The following SYK variants were observed in gnomAD, a reference collection of about 807,000 sequenced individuals.
SYK encodes the protein spleen associated tyrosine kinase, also known as tyrosine-protein kinase SYK.
A neutral mutation model predicts 77.8 loss-of-function variants in SYK; 16 were observed. The observed-to-expected ratio is 0.21, with a 90% CI of 0.14 to 0.31. SYK has a LOEUF of 0.31. Ranked by LOEUF, SYK falls within the 10% of genes least tolerant of loss-of-function variation. The pLI, the probability that SYK is intolerant of heterozygous loss-of-function variation, is 1.00. For missense variants in SYK, 529 were observed against 814.4 expected, an observed-to-expected ratio of 0.65 and a Z score of 4.26; for synonymous variants, 312 against 308.7, an observed-to-expected ratio of 1.01 and a Z score of -0.11.
At chr9:90,811,145 C>T (rs980455709) in intron 1 of SYK, among the ~76,000 whole-genome samples, 2 of 152,002 alleles carry the variant, frequency 1.3e-5, no homozygotes, top group Non-Finnish European at 2.9e-5. Flanking sequence ...ACACTCATCA[C>T]AAGATTGATA....
At position 90,877,707 on chromosome 9, in the gene SYK, G is replaced by A. The variant is rs200202947; in HGVS notation, c.1318G>A (p.Glu440Lys). The A allele has an allele frequency of 2.4e-5, 38 of 1,614,096 alleles. No homozygotes were observed. The highest frequency in any genetic ancestry group is 3.0e-5 in the Non-Finnish European group (35 of 1,180,034). Residue 440 changes from glutamate (E) to lysine (K), a missense_variant, in exon 10 of 14, where the codon GAG (glutamate) becomes AAG (lysine). Physicochemically the swap from Glu to Lys is moderately conservative, Grantham distance 56. Transcript: ENST00000375754. Reference sequence around the variant, plus strand: ...CATCGTGCGGATGATCGGGATATGCGAGGCCGAGTCCTGGATGCTGGTTAT... The same window carrying A: ...CATCGTGCGGATGATCGGGATATGCAAGGCCGAGTCCTGGATGCTGGTTAT... Reference protein sequence around the residue: ...PYIVRMIGICEAESWMLVMEM... With the variant: ...PYIVRMIGICKAESWMLVMEM...
At position 90,877,739 on chromosome 9, in the gene SYK, G is replaced by A. The variant is rs1304839707; in HGVS notation, c.1350G>A (p.Met450Ile). Residue 450 changes from methionine (M) to isoleucine (I), a missense_variant, in exon 10 of 14, where the codon ATG becomes ATA. By Grantham distance (10) the Met-to-Ile change is conservative. This residue lies in a region of SYK where 208 missense variants were observed against 381.3 expected (regional missense o/e 0.55). Transcript: ENST00000375754. ...EAESWMLVME[M>I]AELGPLNKYL... ...AGTCCTGGATGCTGGTTATGGAGAT[G>A]GCAGAACTTGGTCCCCTCAATAAGT... 2.5e-6 allele frequency: 4 copies of A among 1,614,116 alleles called. No individual in the cohort carries two copies. Among genetic ancestry groups the A allele is most frequent in the Non-Finnish European group, 3.4e-6 (4 of 1,180,034 alleles).
At chr9:90,883,903 C>T (rs752690521) in intron 11 of SYK, among the ~76,000 whole-genome samples, 3 of 152,080 alleles carry the variant, frequency 2.0e-5, no homozygotes, top group South Asian at 2.1e-4. Flanking sequence ...TAGTGTATAC[C>T]GCCCTAGGGC....
chr9:90,850,520 A>C (rs1564093702), intron 3 of SYK, among the ~76,000 whole-genome samples: 2 of 151,978 alleles, frequency 1.3e-5, no homozygotes, highest in Non-Finnish European at 2.9e-5. Context: ...CATCTCAAAA[A>C]ATATATATAT....
At chr9:90,884,150 T>TGTGTATATATACACACATACACATAC (rs1438323688) in intron 11 of SYK, among the ~76,000 whole-genome samples, 4 of 71,426 alleles carry the variant, frequency 5.6e-5, no homozygotes, top group Non-Finnish European at 1.1e-4. Flanking sequence ...TATATGTGTG[T>TGTGTATATATACACACATACACATAC]GTGTATATAT....
chr9:90,841,408 AGTGTGTGTAAGATGTGTGTAGTGTGTT>A (rs1826321587), intron 1 of SYK, among the ~76,000 whole-genome samples: 1 of 129,720 alleles, frequency 7.7e-6, no homozygotes, highest in Non-Finnish European at 1.6e-5. Flanking sequence ...TGACGTGTGC[AGTGTGTGTAAGATGTGTGTAGTGTGTT>A]GTGTGTGTAG....
chr9:90,855,689 G>GGT (rs1554710326), intron 3 of SYK, among the ~76,000 whole-genome samples: 3 of 138,868 alleles, frequency 2.2e-5, no homozygotes, highest in South Asian at 2.4e-4. Context: ...TGTGTGTGTG[G>GGT]GTGTGTGTGA....
At chr9:90,860,050 G>A (rs546155257) in intron 3 of SYK, among the ~76,000 whole-genome samples, 2 of 152,262 alleles carry the variant, frequency 1.3e-5, no homozygotes, top group South Asian at 4.1e-4. Context: ...GTGCCATGGT[G>A]CAGTCTTGGC....
intron 7 of SYK, among the ~76,000 whole-genome samples, chr9:90,873,750 A>C (rs1487325199): frequency 6.6e-6 from 1 of 152,236 alleles, no homozygotes; most frequent in Non-Finnish European, 1.5e-5. Flanking sequence ...GTTGGGAAGT[A>C]GGTAGGAGCA....
rs1827533235 is a variant in SYK at position 90,867,203 on chromosome 9, C to A, written c.915+4C>A. ...CCCAAAGCCTGGCCACAGAAAGGTG[C>A]TAAAGCAACCCCTGCTTGCTGTCCA... On this transcript the variant is annotated splice_donor_region_variant and intron_variant, in intron 7 of 13. Coordinates refer to ENST00000375754, the MANE Select transcript of SYK (RefSeq NM_003177.7). 1 of 1,614,014 alleles carries A rather than the reference C, an allele frequency of 6.2e-7. No homozygotes were observed. The highest frequency in any genetic ancestry group is 1.7e-5 in the Admixed American group (1 of 60,012).
chr9:90,877,566 T>C lies in SYK; in HGVS notation c.1182-5T>C. ...GTTTCTTGTGTGTTATGATTTCTCT[T>C]GCAGAGTTGTGAAAACCGTGGCTGT... is the stretch of plus-strand genomic sequence containing the variant. On this transcript the variant is annotated splice_polypyrimidine_tract_variant and splice_region_variant and intron_variant, in intron 9 of 13. Coordinates refer to ENST00000375754, the MANE Select transcript of SYK (RefSeq NM_003177.7). 6.2e-7 allele frequency: 1 copy of C among 1,614,096 alleles called. No homozygotes were observed. Among genetic ancestry groups the C allele is most frequent in the Non-Finnish European group, 8.5e-7 (1 of 1,179,992 alleles).
At chr9:90,890,508 C>A (rs553634123) in intron 13 of SYK, among the ~76,000 whole-genome samples, 2 of 152,316 alleles carry the variant, frequency 1.3e-5, no homozygotes, top group African/African-American at 2.4e-5. Context: ...TAAGATGGAA[C>A]CTGAGTGAGG....
intron 11 of SYK, among the ~76,000 whole-genome samples, chr9:90,881,747 G>A (rs143970029): frequency 9.2e-4 from 140 of 151,746 alleles, no homozygotes; most frequent in African/African-American, 2.6e-3. Flanking sequence ...GCAAACGAAC[G>A]CTGGCACTCG....
rs527739463 is a variant in SYK at position 90,870,109 on chromosome 9, AAAAAGAAAAG to A, written c.915+2924_915+2933del. ...GAGCAAGACTCTGTCTCAAAAACAAAAAAAGAAAAGAAAAGAAAAGAAATTAGTAACATAC... is the reference window on the plus strand; with the variant it reads ...GAGCAAGACTCTGTCTCAAAAACAAAAAAAGAAAAGAAATTAGTAACATAC... On this transcript the variant is annotated intron_variant, in intron 7 of 13. Transcript: ENST00000375754. 2.8e-3 allele frequency among the ~76,000 whole-genome samples: 430 copies of A among 152,346 alleles called. 4 individuals are homozygous for A. Among genetic ancestry groups the A allele is most frequent in the African/African-American group, 9.9e-3 (412 of 41,580 alleles).
At chr9:90,837,363 G>T (rs1826122782) in intron 1 of SYK, among the ~76,000 whole-genome samples, 1 of 152,090 alleles carries the variant, frequency 6.6e-6, no homozygotes, top group South Asian at 2.1e-4. Flanking sequence ...ATGCTACAAA[G>T]GTAATAGATG....
At chr9:90,874,554 T>C (rs534800712) in intron 8 of SYK, 118 bp from the exon 9 acceptor site, 1 of 1,294,932 alleles carries the variant, frequency 7.7e-7, no homozygotes, top group Admixed American at 2.2e-5. Flanking sequence ...GAATTTCTCA[T>C]CCCTTGCAAC....
At chr9:90,874,595 G>T (rs771729983) in intron 8 of SYK, 77 bp from the exon 9 acceptor site, 30 of 1,484,174 alleles carry the variant, frequency 2.0e-5, no homozygotes, top group Non-Finnish European at 2.6e-5. Flanking sequence ...ATATTCCCAT[G>T]AAGATCATGT....
intron 7 of SYK, among the ~76,000 whole-genome samples, chr9:90,870,603 T>A (rs181404705): frequency 6.6e-6 from 1 of 152,320 alleles, no homozygotes; most frequent in Admixed American, 6.5e-5. Context: ...AGATTTTAGA[T>A]CTTCACTGTA....
At chr9:90,884,071 G>A (rs889245288) in intron 11 of SYK, among the ~76,000 whole-genome samples, 1 of 151,754 alleles carries the variant, frequency 6.6e-6, no homozygotes, top group Non-Finnish European at 1.5e-5. Context: ...GCTGTTTATG[G>A]CCATAGAAAT....
Sources: allele counts gnomAD v4.1 joint callset (sites outside exome capture counted in the v4.1 genomes callset), GRCh38; gene constraint gnomAD v4.1.1; regional missense constraint gnomAD v4.1.1; transcripts MANE v1.5; gene names NCBI Gene and HGNC (gene_info 2026-07-23, HGNC 2026-07-21).